Variants in MICU2 observed in about 807,000 individuals in gnomAD.
MICU2 encodes mitochondrial calcium uptake 2.
In MICU2, 64 loss-of-function variants were observed where a neutral mutation model predicts 60.4. The observed-to-expected ratio is 1.06, with a 90% CI of 0.87 to 1.31. The LOEUF is 1.31. Ranked by LOEUF, MICU2 falls within the 50% of genes most tolerant of loss-of-function variation. The pLI, the probability that MICU2 is intolerant of heterozygous loss-of-function variation, is 0.00. For missense variants in MICU2, 569 were observed against 531.0 expected (o/e 1.07, Z -0.70); for synonymous variants, 201 against 175.0 (o/e 1.15, Z -1.17).
chr13:21,509,922 T>C, intron 8 of MICU2, 82 bp downstream of exon 8: 1 of 766,666 alleles, frequency 1.3e-6, no homozygotes, highest in Non-Finnish European at 2.0e-6. Flanking sequence ...TGATCTGCAG[T>C]TCTAGAAAAT....
intron 2 of MICU2, among the ~76,000 whole-genome samples, chr13:21,561,057 G>A (rs749823341): frequency 6.6e-6 from 1 of 152,102 alleles, no homozygotes; most frequent in African/African-American, 2.4e-5. Context: ...TGACCCATGT[G>A]TTATTTAAAA....
At chr13:21,516,531 T>C (rs964228339) in intron 6 of MICU2, among the ~76,000 whole-genome samples, 1 of 152,252 alleles carries the variant, frequency 6.6e-6, no homozygotes, top group Non-Finnish European at 1.5e-5. Context: ...AAACATCTTT[T>C]ACAACTCAAT....
intron 3 of MICU2, 139 bp downstream of exon 3, chr13:21,539,518 G>C: frequency 7.6e-7 from 1 of 1,308,730 alleles, no homozygotes; most frequent in Non-Finnish European, 1.1e-6. Context: ...AGCCAGGATG[G>C]TGATCTCCTG....
intron 2 of MICU2, among the ~76,000 whole-genome samples, chr13:21,557,808 T>A (rs548161551): frequency 6.6e-6 from 1 of 152,330 alleles, no homozygotes; most frequent in East Asian, 1.9e-4. Context: ...AATTCTTGAT[T>A]TAGCTAAATG....
chr13:21,553,502 C>T (rs559960033), intron 2 of MICU2, among the ~76,000 whole-genome samples: 1 of 152,220 alleles, frequency 6.6e-6, no homozygotes, highest in Non-Finnish European at 1.5e-5. Context: ...GCATCCCCAC[C>T]AGGCCTGCCC....
intron 2 of MICU2, 148 bp downstream of exon 2, chr13:21,566,649 T>C: frequency 1.7e-6 from 1 of 598,806 alleles, no homozygotes; most frequent in Non-Finnish European, 2.8e-6. Context: ...AAAGTATAAG[T>C]AGTGTCACAA....
chr13:21,533,713 T>G (rs1328679620), intron 4 of MICU2, among the ~76,000 whole-genome samples: 45 of 152,120 alleles, frequency 3.0e-4, no homozygotes, highest in Admixed American at 2.9e-3. Flanking sequence ...ATTTTGTGAC[T>G]AATACACTTT....
Position 21,524,081 on chromosome 13 carries a change from G to A in MICU2, c.467-1431C>T, listed in dbSNP as rs558948487. On this transcript the variant is annotated intron_variant, in intron 4 of 11. Coordinates refer to ENST00000382374, the MANE Select transcript of MICU2 (RefSeq NM_152726.3). Reference sequence around the variant, plus strand: ...GGTTTTAGGCTGCTTACACAGAAACGATATCTCAAAAACCATGGCTTCCTG... The same window carrying A: ...GGTTTTAGGCTGCTTACACAGAAACAATATCTCAAAAACCATGGCTTCCTG... Among the ~76,000 whole-genome samples, 3 of 152,192 alleles carry A rather than the reference G, an allele frequency of 2.0e-5. No individual in the cohort carries two copies. The South Asian group carries it at 6.2e-4, about 32-fold the overall frequency.
At chr13:21,517,799 A>ACACACACACACGCGCG (rs1244489287) in intron 6 of MICU2, among the ~76,000 whole-genome samples, 20 of 136,400 alleles carry the variant, frequency 1.5e-4, no homozygotes, top group African/African-American at 6.2e-4. Flanking sequence ...ACACACACAC[A>ACACACACACACGCGCG]CGCGCGCGCG....
intron 4 of MICU2, among the ~76,000 whole-genome samples, chr13:21,525,014 C>T (rs770156461): frequency 1.3e-5 from 2 of 152,106 alleles, no homozygotes; most frequent in African/African-American, 2.4e-5. Flanking sequence ...TGTTTATCCA[C>T]TCACCTGCTG....
chr13:21,517,609 C>T (rs1429993894), intron 6 of MICU2, among the ~76,000 whole-genome samples: 1 of 152,084 alleles, frequency 6.6e-6, no homozygotes, highest in Non-Finnish European at 1.5e-5. Flanking sequence ...AACCCTGTCT[C>T]TACTAAAAAT....
intron 1 of MICU2, among the ~76,000 whole-genome samples, chr13:21,585,523 T>C (rs1418136844): frequency 6.6e-6 from 1 of 152,222 alleles, no homozygotes; most frequent in Non-Finnish European, 1.5e-5. Flanking sequence ...AATGTCCTAT[T>C]AGCATATATA....
At chr13:21,584,877 A>G (rs911153146) in intron 1 of MICU2, among the ~76,000 whole-genome samples, 1 of 152,206 alleles carries the variant, frequency 6.6e-6, no homozygotes, top group African/African-American at 2.4e-5. Flanking sequence ...AATTCACAGT[A>G]ACAGAAGCAT....
chr13:21,531,765 C>G (rs1222877521), intron 4 of MICU2, among the ~76,000 whole-genome samples: 1 of 152,192 alleles, frequency 6.6e-6, no homozygotes, highest in Non-Finnish European at 1.5e-5. Context: ...CTCACGTTAT[C>G]TTGCTATCAC....
intron 2 of MICU2, among the ~76,000 whole-genome samples, chr13:21,545,163 A>G (rs1253172404): frequency 6.6e-6 from 1 of 152,222 alleles, no homozygotes; most frequent in Non-Finnish European, 1.5e-5. Context: ...ACTATTCACA[A>G]CAGCCAAGAC....
intron 2 of MICU2, among the ~76,000 whole-genome samples, chr13:21,560,087 A>G (rs1482205284): frequency 6.6e-6 from 1 of 152,100 alleles, no homozygotes; most frequent in African/African-American, 2.4e-5. Flanking sequence ...AGTTTTCTAC[A>G]TATACTAAGT....
chr13:21,576,815 A>G (rs1292232931), intron 1 of MICU2, among the ~76,000 whole-genome samples: 1 of 152,142 alleles, frequency 6.6e-6, no homozygotes, highest in Non-Finnish European at 1.5e-5. Flanking sequence ...CCCTAACCCT[A>G]TACAAAATTT....
chr13:21,560,624 AC>A (rs35691098), intron 2 of MICU2, among the ~76,000 whole-genome samples: 1 of 87,454 alleles, frequency 1.1e-5, no homozygotes, highest in East Asian at 1.5e-3. Context: ...TTGTCAAAAA[AC>A]ACACACACAC....
intron 2 of MICU2, among the ~76,000 whole-genome samples, chr13:21,561,100 G>A (rs1320721096): frequency 6.6e-6 from 1 of 152,122 alleles, no homozygotes; most frequent in Admixed American, 6.5e-5. Flanking sequence ...ACTCTGAGAT[G>A]TTTCAGCTAT....
Sources: allele counts gnomAD v4.1 joint callset (sites outside exome capture counted in the v4.1 genomes callset), GRCh38; gene constraint gnomAD v4.1.1; transcripts MANE v1.5; gene names NCBI Gene and HGNC (gene_info 2026-07-23, HGNC 2026-07-21).